NID1: variants seen among roughly 807,000 people sequenced by gnomAD.
NID1 encodes the protein nidogen 1, also known as nidogen-1.
In NID1, 76 loss-of-function variants were observed where a neutral mutation model predicts 130.6. The ratio of observed to expected loss-of-function variants is 0.58; its 90% CI spans 0.48 to 0.70. NID1 has a LOEUF of 0.70. Ranked by LOEUF, NID1 falls within the 30% of genes least tolerant of loss-of-function variation. NID1 has a pLI of 0.00. For missense variants in NID1, 1,517 were observed against 1,664.8 expected, an observed-to-expected ratio of 0.91 and a Z score of 1.54; for synonymous variants, 665 against 675.1, an observed-to-expected ratio of 0.98 and a Z score of 0.23.
Position 236,038,132 on chromosome 1 carries a change from C to A in NID1, c.1257G>T (p.Thr419=), listed in dbSNP as rs372840795. The A allele has an allele frequency of 4.4e-6, 7 of 1,606,290 alleles. No homozygotes were observed. The highest frequency in any genetic ancestry group is 6.0e-6 in the Non-Finnish European group (7 of 1,173,878). The part of the protein sequence containing the change: ...GFCCSCVAGY[T]GNGRQCVAEG... ...CTGCAACACATTGCCTGCCATTGCC[C>A]GTATAGCCAGCGACACAGCTGCAGC... The change falls in exon 5 of 20, where the codon ACG becomes ACT. Residue 419 remains threonine, a synonymous_variant. Coordinates refer to ENST00000264187, the MANE Select transcript of NID1 (RefSeq NM_002508.3).
chr1:236,055,160 C>T lies in NID1; in HGVS notation c.226-6171G>A, dbSNP rs573024730. Among the ~76,000 whole-genome samples the T allele has an allele frequency of 6.0e-3, 910 of 151,686 alleles. 8 individuals carry two copies. The highest frequency in any genetic ancestry group is 0.019 in the African/African-American group (768 of 41,382). On this transcript the variant is annotated intron_variant, in intron 1 of 19. Transcript: ENST00000264187. The stretch of plus-strand genomic sequence containing the variant: ...TCTACTAAAAATACAAAAAATTAGC[C>T]GGGCGTGGTGGCGGGTGTCTGTAGT...
chr1:236,025,288 G>A, intron 8 of NID1, among the ~76,000 whole-genome samples: 1 of 116,828 alleles, frequency 8.6e-6, no homozygotes, highest in African/African-American at 4.0e-5. Context: ...TTGAGACAGA[G>A]TCTCACTCTG....
intron 12 of NID1, among the ~76,000 whole-genome samples, chr1:236,002,228 C>T (rs1373374587): frequency 1.3e-5 from 2 of 152,180 alleles, no homozygotes; most frequent in African/African-American, 2.4e-5. Context: ...TCAGGCTGGG[C>T]GCGGTGGCTC....
chr1:236,008,974 G>C (rs1355268890), intron 12 of NID1, among the ~76,000 whole-genome samples: 3 of 152,146 alleles, frequency 2.0e-5, no homozygotes, highest in African/African-American at 7.2e-5. Context: ...TCTTCATAAA[G>C]TATTTTAGTC....
intron 12 of NID1, among the ~76,000 whole-genome samples, chr1:236,010,606 T>C (rs1339673745): frequency 6.6e-6 from 1 of 152,246 alleles, no homozygotes; most frequent in East Asian, 1.9e-4. Flanking sequence ...AGCCTATTTA[T>C]GCTTTTTAGG....
chr1:236,042,401 C>T, intron 3 of NID1, 109 bp from the exon 4 acceptor site: 1 of 1,390,164 alleles, frequency 7.2e-7, no homozygotes, highest in Non-Finnish European at 9.8e-7. Flanking sequence ...AAGCCATCAC[C>T]TGCAGCTAGG....
intron 1 of NID1, among the ~76,000 whole-genome samples, chr1:236,061,680 G>A (rs1360679320): frequency 2.0e-5 from 3 of 151,824 alleles, no homozygotes; most frequent in Non-Finnish European, 4.4e-5. Context: ...TGGCCAGGCT[G>A]GTCTCATTTA....
At chr1:236,039,154 CATTAT>C (rs60472428) in intron 4 of NID1, among the ~76,000 whole-genome samples, 3 of 139,622 alleles carry the variant, frequency 2.1e-5, no homozygotes, top group African/African-American at 8.2e-5. Flanking sequence ...CATTATAATA[CATTAT>C]AACAGATAAA....
At chr1:236,027,882 A>G (rs997527007) in intron 7 of NID1, among the ~76,000 whole-genome samples, 2 of 152,122 alleles carry the variant, frequency 1.3e-5, no homozygotes, top group Non-Finnish European at 2.9e-5. Flanking sequence ...GGGATTCTTA[A>G]CCTGGGGTTT....
At chr1:235,978,204 C>A (rs1657326863) in intron 19 of NID1, among the ~76,000 whole-genome samples, 2 of 152,178 alleles carry the variant, frequency 1.3e-5, no homozygotes, top group African/African-American at 4.8e-5. Context: ...AACACTGATT[C>A]CCAACTTGGG....
At chr1:236,020,338 C>T (rs1658726959) in intron 9 of NID1, among the ~76,000 whole-genome samples, 1 of 152,134 alleles carries the variant, frequency 6.6e-6, no homozygotes, top group East Asian at 1.9e-4. Flanking sequence ...TTTTCAACAA[C>T]TCTAAGTTTC....
intron 9 of NID1, among the ~76,000 whole-genome samples, chr1:236,020,178 ATTC>A (rs755966748): frequency 4.6e-5 from 7 of 151,936 alleles, no homozygotes; most frequent in Non-Finnish European, 1.0e-4. Context: ...GAAAATGATT[ATTC>A]TTATTATTTA....
chr1:236,048,867 G>T lies in NID1; in HGVS notation c.348C>A (p.Gly116=), dbSNP rs1241996702. 6.2e-7 allele frequency: 1 copy of T among 1,614,138 alleles called. No homozygotes were observed. Among genetic ancestry groups the T allele is most frequent in the Admixed American group, 1.7e-5 (1 of 59,998 alleles). ...PFLADLDTTD[G]LGKVYYREDL... ...CTTCTCGATAATAAACCTTCCCCAGGCCATCGGTCGTGTCCAAGTCCGCCA... is the reference window on the plus strand; with the variant it reads ...CTTCTCGATAATAAACCTTCCCCAGTCCATCGGTCGTGTCCAAGTCCGCCA... The change falls in exon 2 of 20, where the codon GGC becomes GGA. Residue 116 remains glycine, a synonymous_variant. Coordinates refer to ENST00000264187, the MANE Select transcript of NID1 (RefSeq NM_002508.3).
Position 235,976,963 on chromosome 1 carries a change from T to A in NID1, c.*904A>T, listed in dbSNP as rs1315390350. On this transcript the variant is annotated 3_prime_UTR_variant, in exon 20 of 20. Transcript: ENST00000264187. ...TCTCCGTGAAAAGGAGGGACATCAG[T>A]GCAAGCAGTGGGGCTAAAGACCAGC... 1 of 152,046 alleles carries A rather than the reference T, an allele frequency of 6.6e-6. No individual in the cohort carries two copies. The highest frequency in any genetic ancestry group is 2.4e-5 in the African/African-American group (1 of 41,392). 9.4% of individuals were successfully genotyped at this position (152,046 alleles called of 1,614,324 possible).
intron 4 of NID1, 53 bp from the exon 5 acceptor site, chr1:236,038,306 C>T (rs772846679): frequency 9.4e-5 from 149 of 1,578,980 alleles, no homozygotes; most frequent in Middle Eastern, 5.1e-4. Context: ...AGCTCTAGCC[C>T]GGTGGGCTCT....
At chr1:236,050,483 G>A (rs1378247261) in intron 1 of NID1, among the ~76,000 whole-genome samples, 1 of 151,952 alleles carries the variant, frequency 6.6e-6, no homozygotes, top group Non-Finnish European at 1.5e-5. Flanking sequence ...AGCCTGGGAG[G>A]TGGGGATTGC....
At chr1:235,986,634 T>G (rs1657581099) in intron 14 of NID1, among the ~76,000 whole-genome samples, 1 of 152,230 alleles carries the variant, frequency 6.6e-6, no homozygotes, top group Non-Finnish European at 1.5e-5. Flanking sequence ...TTAATTTTTC[T>G]ATTTTTTTGT....
At position 236,044,037 on chromosome 1, in the gene NID1, A is replaced by G. The variant is rs1230693735; in HGVS notation, c.752+1420T>C. Among the ~76,000 whole-genome samples the G allele has an allele frequency of 3.3e-5, 5 of 152,202 alleles. 1 individual carries two copies. The East Asian group carries it at 7.7e-4, about 23-fold the overall frequency. ...TGGAAGTGCTCCTATCAGAAATTAC[A>G]TGAAATAATTATATTATACGGTGGA... On this transcript the variant is annotated intron_variant, in intron 3 of 19. Transcript: ENST00000264187.
At chr1:235,978,945 A>G in intron 19 of NID1, 50 bp downstream of exon 19, 1 of 1,282,354 alleles carries the variant, frequency 7.8e-7, no homozygotes. Flanking sequence ...GTGGGCTCTG[A>G]GCCTCCATGT....
Sources: allele counts gnomAD v4.1 joint callset (sites outside exome capture counted in the v4.1 genomes callset), GRCh38; gene constraint gnomAD v4.1.1; transcripts MANE v1.5; gene names NCBI Gene and HGNC (gene_info 2026-07-23, HGNC 2026-07-21).